RUNX1: variants seen among roughly 807,000 people sequenced by gnomAD.
The protein encoded by RUNX1 is runt-related transcription factor 1.
In RUNX1, 19 loss-of-function variants were observed where a neutral mutation model predicts 42.8. The observed-to-expected ratio is 0.44, with a 90% CI of 0.31 to 0.65. The LOEUF (loss-of-function observed/expected upper bound fraction) is 0.65. Ranked by LOEUF, RUNX1 falls within the 30% of genes least tolerant of loss-of-function variation. The pLI is 0.07. For missense variants in RUNX1, 528 were observed against 672.0 expected, an observed-to-expected ratio of 0.79 and a Z score of 2.37; for synonymous variants, 271 against 289.4, an observed-to-expected ratio of 0.94 and a Z score of 0.64.
At chr21:34,932,918 A>C (rs2058458506) in intron 2 of RUNX1, among the ~76,000 whole-genome samples, 1 of 152,216 alleles carries the variant, frequency 6.6e-6, no homozygotes, top group South Asian at 2.1e-4. Context: ...TCTGTCCTAC[A>C]TTATACCCAT....
intron 5 of RUNX1, among the ~76,000 whole-genome samples, chr21:34,867,545 T>C (rs892201054): frequency 6.6e-6 from 1 of 152,206 alleles, no homozygotes; most frequent in African/African-American, 2.4e-5. Context: ...GGCACAGGTA[T>C]GCTGGGCTCA....
At chr21:34,921,467 C>T (rs1261449567) in intron 2 of RUNX1, among the ~76,000 whole-genome samples, 1 of 152,164 alleles carries the variant, frequency 6.6e-6, no homozygotes, top group Non-Finnish European at 1.5e-5. Flanking sequence ...TAAGTCCCTC[C>T]TTTCTAAGGC....
At chr21:34,818,093 C>T (rs1251439875) in intron 7 of RUNX1, among the ~76,000 whole-genome samples, 1 of 152,214 alleles carries the variant, frequency 6.6e-6, no homozygotes, top group Non-Finnish European at 1.5e-5. Context: ...GGAGGGAAAA[C>T]CAGAAGAGAA....
At chr21:34,915,031 T>C (rs918552657) in intron 2 of RUNX1, among the ~76,000 whole-genome samples, 11 of 152,174 alleles carry the variant, frequency 7.2e-5, no homozygotes, top group African/African-American at 1.9e-4. Context: ...TCCTGAATTA[T>C]AGAATGAGGA....
At chr21:34,820,767 T>C (rs2056896879) in intron 7 of RUNX1, among the ~76,000 whole-genome samples, 1 of 152,052 alleles carries the variant, frequency 6.6e-6, no homozygotes, top group Non-Finnish European at 1.5e-5. Flanking sequence ...ATGGTGTATT[T>C]CCAGAAAAAG....
intron 2 of RUNX1, among the ~76,000 whole-genome samples, chr21:34,936,220 C>T (rs866398088): frequency 1.3e-5 from 2 of 151,958 alleles, no homozygotes; most frequent in African/African-American, 4.8e-5. Flanking sequence ...CTGCCATGTT[C>T]GTTTCCCCCC....
chr21:34,958,350 C>T (rs1444632863), intron 2 of RUNX1, among the ~76,000 whole-genome samples: 1 of 151,942 alleles, frequency 6.6e-6, no homozygotes, highest in African/African-American at 2.4e-5. Flanking sequence ...AACAAATTTA[C>T]AAGAAAAAAA....
intron 7 of RUNX1, among the ~76,000 whole-genome samples, chr21:34,817,211 T>G (rs1039355339): frequency 4.6e-5 from 7 of 152,238 alleles, no homozygotes; most frequent in African/African-American, 1.4e-4. Context: ...TAGCCAGAAG[T>G]CCAGGTTGCC....
At chr21:34,880,770 A>C in intron 4 of RUNX1, 57 bp from the exon 5 acceptor site, 1 of 1,557,380 alleles carries the variant, frequency 6.4e-7, no homozygotes, top group Non-Finnish European at 8.9e-7. Context: ...ATACACTTTT[A>C]GGGCATTTGT....
At chr21:34,821,433 A>C in intron 7 of RUNX1, 1 of 1,339,994 alleles carries the variant, frequency 7.5e-7, no homozygotes, top group Admixed American at 3.0e-5. Context: ...TGATTTCTGC[A>C]GGCTAACTCA....
At position 34,979,720 on chromosome 21, in the gene RUNX1, A is replaced by G. The variant is rs75426007; in HGVS notation, c.58+69122T>C. On this transcript the variant is annotated intron_variant, in intron 2 of 8. Coordinates refer to ENST00000675419, the MANE Select transcript of RUNX1 (RefSeq NM_001754.5). Reference sequence around the variant, plus strand: ...TCTATTTCACGTCTGTTTTAAAGTCATGTCGGTTTTAAGTGCATTAGATAG... The same window carrying G: ...TCTATTTCACGTCTGTTTTAAAGTCGTGTCGGTTTTAAGTGCATTAGATAG... Among the ~76,000 whole-genome samples the G allele has an allele frequency of 5.0e-4, 76 of 152,336 alleles. 3 individuals are homozygous for G. The highest frequency in any genetic ancestry group is 3.7e-3 in the South Asian group (18 of 4,832).
intron 7 of RUNX1, among the ~76,000 whole-genome samples, chr21:34,817,335 C>T (rs1157020651): frequency 6.6e-6 from 1 of 152,182 alleles, no homozygotes; most frequent in Non-Finnish European, 1.5e-5. Context: ...GGCTGAGCTA[C>T]AAATGATTTA....
At chr21:34,844,063 G>C (rs147016829) in intron 6 of RUNX1, among the ~76,000 whole-genome samples, 4 of 152,030 alleles carry the variant, frequency 2.6e-5, no homozygotes, top group Non-Finnish European at 5.9e-5. Context: ...CCCTCCCTAG[G>C]TTAAGGTCTT....
chr21:35,046,162 C>G (rs2059394741), intron 2 of RUNX1, among the ~76,000 whole-genome samples: 1 of 152,162 alleles, frequency 6.6e-6, no homozygotes, highest in Non-Finnish European at 1.5e-5. Flanking sequence ...GTCTTCCTTC[C>G]TAAGCAAATT....
At chr21:34,823,430 G>GTTTTTTTTTTTTTTTTTTTTTTTTT (rs56957776) in intron 7 of RUNX1, among the ~76,000 whole-genome samples, 2 of 99,712 alleles carry the variant, frequency 2.0e-5, no homozygotes, top group African/African-American at 5.1e-5. Context: ...TTCCTGGTGG[G>GTTTTTTTTTTTTTTTTTTTTTTTTT]TTTTTTTTTT....
chr21:34,853,397 A>G (rs2057452313), intron 6 of RUNX1, among the ~76,000 whole-genome samples: 1 of 152,210 alleles, frequency 6.6e-6, no homozygotes, highest in Non-Finnish European at 1.5e-5. Flanking sequence ...AACTTTACTG[A>G]TAAACTCTCC....
Position 34,789,484 on chromosome 21 carries a change from T to C in RUNX1, c.*2651A>G. On this transcript the variant is annotated 3_prime_UTR_variant, in exon 9 of 9. Transcript: ENST00000675419. ...CTCCTGGACCAGACACATGCAGTTA[T>C]TACATGATTGGCTTAAGGGTCTCAT... 4.3e-6 allele frequency: 1 copy of C among 233,708 alleles called. No homozygotes were observed. Among genetic ancestry groups the C allele is most frequent in the East Asian group, 6.0e-5 (1 of 16,586 alleles). 14.5% of individuals were successfully genotyped at this position (233,708 alleles called of 1,614,324 possible).
At chr21:34,819,629 G>A (rs1248897413) in intron 7 of RUNX1, among the ~76,000 whole-genome samples, 3 of 152,226 alleles carry the variant, frequency 2.0e-5, no homozygotes, top group South Asian at 4.1e-4. Context: ...CAAGGACGTG[G>A]CCGTCACAGG....
At position 34,878,376 on chromosome 21, in the gene RUNX1, T is replaced by C. The variant is rs560004569; in HGVS notation, c.508+2181A>G. ...AAAAAAAAAAATATATATATATATA[T>C]ACACACACACATATATATATACATC... is the stretch of plus-strand genomic sequence containing the variant. On this transcript the variant is annotated intron_variant, in intron 5 of 8. Coordinates refer to ENST00000675419, the MANE Select transcript of RUNX1 (RefSeq NM_001754.5). Among the ~76,000 whole-genome samples the C allele has an allele frequency of 3.9e-3, 572 of 147,852 alleles. 4 individuals are homozygous for C. Among genetic ancestry groups the C allele is most frequent in the African/African-American group, 0.012 (468 of 39,324 alleles).
Sources: allele counts gnomAD v4.1 joint callset (sites outside exome capture counted in the v4.1 genomes callset), GRCh38; gene constraint gnomAD v4.1.1; transcripts MANE v1.5; gene names NCBI Gene and HGNC (gene_info 2026-07-23, HGNC 2026-07-21).